GRK5: variants seen among roughly 807,000 people sequenced by gnomAD.
GRK5 encodes G protein-coupled receptor kinase 5, also known as g protein-coupled receptor kinase GRK5.
In GRK5, 40 loss-of-function variants were observed where a neutral mutation model predicts 78.4. That is an observed-to-expected ratio of 0.51 (90% confidence interval 0.40 to 0.66). The LOEUF is 0.66. Among genes scored for constraint, GRK5 ranks in the 30% least tolerant of loss-of-function variants. The pLI is 0.00. For missense variants in GRK5, 598 were observed against 759.9 expected (o/e 0.79, Z 2.50); for synonymous variants, 289 against 296.8 (o/e 0.97, Z 0.27).
rs1848497666 is a variant in GRK5 at position 119,212,116 on chromosome 10, T to A, written c.52+4147T>A. On this transcript the variant is annotated intron_variant, in intron 1 of 15. Coordinates refer to ENST00000392870, the MANE Select transcript of GRK5 (RefSeq NM_005308.3). Reference sequence around the variant, plus strand: ...CAGCTCGGTGTGTGTAAAAGCAGCCTGGCCTGTTAAACACAATGCCGTTAA... The same window carrying A: ...CAGCTCGGTGTGTGTAAAAGCAGCCAGGCCTGTTAAACACAATGCCGTTAA... Among the ~76,000 whole-genome samples the A allele has an allele frequency of 2.0e-5, 3 of 152,148 alleles. No homozygotes were observed. In the South Asian group the frequency reaches 6.2e-4, roughly 32 times the overall value.
intron 4 of GRK5, among the ~76,000 whole-genome samples, chr10:119,418,056 G>A (rs940510195): frequency 6.6e-6 from 1 of 152,150 alleles, no homozygotes; most frequent in Non-Finnish European, 1.5e-5. Flanking sequence ...GGGTCCCGAG[G>A]GGAGTTCCAA....
chr10:119,287,375 G>A (rs72834194), intron 1 of GRK5, among the ~76,000 whole-genome samples: 803 of 29,606 alleles, frequency 0.027, 80 homozygotes, highest in East Asian at 0.13. Context: ...GAGAGAGGGA[G>A]GGAGGAAGGA....
chr10:119,248,346 C>T (rs1849147734), intron 1 of GRK5, among the ~76,000 whole-genome samples: 1 of 152,186 alleles, frequency 6.6e-6, no homozygotes, highest in African/African-American at 2.4e-5. Flanking sequence ...AAAAGAGGGT[C>T]ATGATGTGTG....
intron 1 of GRK5, among the ~76,000 whole-genome samples, chr10:119,281,113 C>G (rs570883967): frequency 6.7e-6 from 1 of 149,782 alleles, no homozygotes; most frequent in South Asian, 2.1e-4. Context: ...GCCTCAGGGC[C>G]GGCCCATTGC....
chr10:119,399,112 C>T (rs924739888), intron 4 of GRK5, among the ~76,000 whole-genome samples: 1 of 152,228 alleles, frequency 6.6e-6, no homozygotes, highest in Non-Finnish European at 1.5e-5. Flanking sequence ...GGCCCAGACA[C>T]CCCCATCAGC....
At chr10:119,309,145 G>A (rs1373784203) in intron 1 of GRK5, among the ~76,000 whole-genome samples, 1 of 152,212 alleles carries the variant, frequency 6.6e-6, no homozygotes. Context: ...AGAGGGTTCA[G>A]CCCAAGGGTC....
At chr10:119,313,296 G>A (rs1216156982) in intron 1 of GRK5, among the ~76,000 whole-genome samples, 2 of 150,810 alleles carry the variant, frequency 1.3e-5, no homozygotes, top group South Asian at 2.1e-4. Flanking sequence ...GGTGGTAATG[G>A]TGGTGGTGAT....
intron 3 of GRK5, among the ~76,000 whole-genome samples, chr10:119,389,575 C>T (rs975501954): frequency 2.6e-5 from 4 of 152,214 alleles, no homozygotes; most frequent in African/African-American, 9.7e-5. Flanking sequence ...CATGGCTGTC[C>T]TAGAAGCTGC....
At chr10:119,411,965 C>T (rs1852354964) in intron 4 of GRK5, among the ~76,000 whole-genome samples, 1 of 151,284 alleles carries the variant, frequency 6.6e-6, no homozygotes. Flanking sequence ...ATCCTCTCGC[C>T]TCAGCCTCCT....
chr10:119,358,518 A>G (rs1851303491), intron 2 of GRK5, among the ~76,000 whole-genome samples: 1 of 152,084 alleles, frequency 6.6e-6, no homozygotes, highest in South Asian at 2.1e-4. Flanking sequence ...TGAGGCGTGC[A>G]TGGTGCATTT....
chr10:119,218,972 A>C (rs535278297), intron 1 of GRK5, among the ~76,000 whole-genome samples: 1 of 146,376 alleles, frequency 6.8e-6, no homozygotes, highest in East Asian at 2.0e-4. Context: ...ATCTCAGCTC[A>C]CCGCAACCTC....
chr10:119,454,949 T>G lies in GRK5; in HGVS notation c.1675-20T>G. The G allele has an allele frequency of 6.5e-7, 1 of 1,543,940 alleles. No individual in the cohort carries two copies. The highest frequency in any genetic ancestry group is 8.9e-7 in the Non-Finnish European group (1 of 1,117,368). Reference sequence around the variant, plus strand: ...TGACTTCTGTTCTCTCCACCCCGTCTCCCCCAACCCCAACCCCAGCATCAG... The same window carrying G: ...TGACTTCTGTTCTCTCCACCCCGTCGCCCCCAACCCCAACCCCAGCATCAG... On this transcript the variant is annotated intron_variant, in intron 15 of 15. Coordinates refer to ENST00000392870, the MANE Select transcript of GRK5 (RefSeq NM_005308.3).
At chr10:119,364,388 G>A (rs1317552821) in intron 2 of GRK5, among the ~76,000 whole-genome samples, 1 of 152,230 alleles carries the variant, frequency 6.6e-6, no homozygotes, top group African/African-American at 2.4e-5. Context: ...ACATCTGTGA[G>A]CTTTGCTTCC....
At position 119,412,618 on chromosome 10, in the gene GRK5, C is replaced by T. The variant is rs1435464215; in HGVS notation, c.340-10548C>T. Among the ~76,000 whole-genome samples the T allele has an allele frequency of 1.3e-5, 2 of 152,164 alleles. No individual in the cohort carries two copies. Among genetic ancestry groups the T allele is most frequent in the Non-Finnish European group, 2.9e-5 (2 of 68,034 alleles). ...AGAGAAAGGAACCACTCCAGACGGA[C>T]GTGAGGGTGTGTGGCAGTGGCTTTT... On this transcript the variant is annotated intron_variant, in intron 4 of 15. Transcript: ENST00000392870. The surrounding 1 kb of genome is among the most constrained non-coding windows in gnomAD (Gnocchi z 4.3).
intron 1 of GRK5, among the ~76,000 whole-genome samples, chr10:119,299,801 TGTG>T (rs2133719239): frequency 7.8e-6 from 1 of 128,810 alleles, no homozygotes; most frequent in East Asian, 2.3e-4. Context: ...CAGATGTGTG[TGTG>T]TGTGTGTGTG....
chr10:119,386,275 C>A (rs142391546), intron 3 of GRK5, among the ~76,000 whole-genome samples: 1 of 152,124 alleles, frequency 6.6e-6, no homozygotes, highest in Non-Finnish European at 1.5e-5. Flanking sequence ...GATGGAGAAG[C>A]GTGAGGACAA....
At chr10:119,407,739 G>A (rs1344020552) in intron 4 of GRK5, among the ~76,000 whole-genome samples, 1 of 152,212 alleles carries the variant, frequency 6.6e-6, no homozygotes, top group Non-Finnish European at 1.5e-5. Flanking sequence ...TTGAAAACAG[G>A]GAGGCTGGGC....
intron 1 of GRK5, among the ~76,000 whole-genome samples, chr10:119,222,277 A>G (rs1385659833): frequency 6.6e-6 from 1 of 151,584 alleles, no homozygotes; most frequent in Non-Finnish European, 1.5e-5. Context: ...GTACAATTCT[A>G]GGGAGCCATT....
chr10:119,432,572 A>T (rs1852840808), intron 8 of GRK5, among the ~76,000 whole-genome samples: 1 of 152,260 alleles, frequency 6.6e-6, no homozygotes, highest in South Asian at 2.1e-4. Flanking sequence ...GGCATGTTTT[A>T]TTCATGCACA....
Sources: gnomAD v4.1 joint callset for allele counts (sites outside exome capture counted in the v4.1 genomes callset) on GRCh38, gnomAD v4.1.1 for gene constraint, Gnocchi (gnomAD v3.1) non-coding constraint, MANE v1.5 for transcripts, NCBI Gene and HGNC (gene_info 2026-07-23, HGNC 2026-07-21) for gene names.